The following STX18 variants were observed in gnomAD, a reference collection of about 807,000 sequenced individuals.
STX18 encodes the protein syntaxin-18.
In STX18, 40 loss-of-function variants were observed where a neutral mutation model predicts 50.1. That is an observed-to-expected ratio of 0.80 (90% confidence interval 0.62 to 1.04). STX18 has a LOEUF of 1.04. Among genes scored for constraint, STX18 ranks in the 50% least tolerant of loss-of-function variants. The pLI is 0.00. For missense variants in STX18, 410 were observed against 415.8 expected, an observed-to-expected ratio of 0.99 and a Z score of 0.12; for synonymous variants, 158 against 151.8, an observed-to-expected ratio of 1.04 and a Z score of -0.30.
chr4:4,480,053 G>A (rs188132208), intron 1 of STX18, among the ~76,000 whole-genome samples: 225 of 152,310 alleles, frequency 1.5e-3, no homozygotes, highest in Middle Eastern at 3.4e-3. Context: ...ACCCATATGC[G>A]TGAAACATAG....
chr4:4,439,285 C>CAT (rs1266946371), intron 5 of STX18, among the ~76,000 whole-genome samples: 1 of 128,922 alleles, frequency 7.8e-6, no homozygotes, highest in African/African-American at 4.5e-5. Context: ...AACACACACA[C>CAT]ATATATACAC....
In STX18 at chr4:4,459,430, C is replaced by T; in HGVS notation, c.294G>A (p.Gln98=). ...MTDTERDQID[Q]DAQIFMRTCS... is the part of the protein sequence containing the mutation. ...AGGTCCTCATGAATATCTGGGCATC[C>T]TGGTCTATCTGGTCTCGTTCTGTGT... Residue 98 remains glutamine (Q), a synonymous_variant, in exon 3 of 11, where the codon CAG becomes CAA. Transcript: ENST00000306200. 6.2e-7 allele frequency: 1 copy of T among 1,614,108 alleles called. No homozygotes were observed.
intron 2 of STX18, among the ~76,000 whole-genome samples, chr4:4,467,006 T>C (rs1727649195): frequency 6.6e-6 from 1 of 152,088 alleles, no homozygotes; most frequent in Non-Finnish European, 1.5e-5. Flanking sequence ...AGTCAGTTTC[T>C]GGGTGGGGGC....
chr4:4,433,412 G>A (rs1311339715), intron 7 of STX18, among the ~76,000 whole-genome samples: 1 of 151,730 alleles, frequency 6.6e-6, no homozygotes, highest in African/African-American at 2.4e-5. Flanking sequence ...CCTCTGCCTA[G>A]GAAAACCAGA....
chr4:4,486,912 G>A (rs192575537), intron 1 of STX18, among the ~76,000 whole-genome samples: 278 of 152,198 alleles, frequency 1.8e-3, no homozygotes, highest in Non-Finnish European at 3.2e-3. Flanking sequence ...ACAGAGTCAC[G>A]AACATCTAAA....
chr4:4,439,346 T>C (rs2108791264), intron 5 of STX18, among the ~76,000 whole-genome samples: 1 of 145,214 alleles, frequency 6.9e-6, no homozygotes, highest in African/African-American at 2.6e-5. Context: ...CACATACATA[T>C]ACTACATATA....
At chr4:4,529,349 G>A (rs6838731) in intron 1 of STX18, among the ~76,000 whole-genome samples, 27,305 of 151,992 alleles carry the variant, frequency 0.18, 2,501 homozygotes, top group African/African-American at 0.22. Context: ...GCGAGACTCC[G>A]TCTCAAAAAA....
chr4:4,474,205 T>C (rs1474829291), intron 1 of STX18, among the ~76,000 whole-genome samples: 1 of 152,200 alleles, frequency 6.6e-6, no homozygotes, highest in Non-Finnish European at 1.5e-5. Flanking sequence ...CACAAAACGC[T>C]ACATGTGCAT....
In STX18 at chr4:4,435,130, T is replaced by C. The variant is rs186147775; in HGVS notation, c.614-272A>G. Among the ~76,000 whole-genome samples, 839 of 152,322 alleles carry C rather than the reference T, an allele frequency of 5.5e-3. 5 individuals are homozygous for C. Among genetic ancestry groups the C allele is most frequent in the Non-Finnish European group, 8.3e-3 (568 of 68,038 alleles). ...TTCAGTATCGCACTGATGTCAGCAATGGCTGCAAACTAAATGGACATTATT... is the reference window on the plus strand; with the variant it reads ...TTCAGTATCGCACTGATGTCAGCAACGGCTGCAAACTAAATGGACATTATT... On this transcript the variant is annotated intron_variant, in intron 6 of 10. Coordinates refer to ENST00000306200, the MANE Select transcript of STX18 (RefSeq NM_016930.4).
intron 7 of STX18, chr4:4,425,493 G>A (rs1051154607): frequency 5.3e-6 from 3 of 563,176 alleles, no homozygotes; most frequent in South Asian, 2.3e-5. Flanking sequence ...TGCTATGGCT[G>A]TAGCTGTATC....
chr4:4,481,493 A>T (rs917085368), intron 1 of STX18: 2 of 152,214 alleles, frequency 1.3e-5, no homozygotes, highest in Non-Finnish European at 2.9e-5. Context: ...CAATCAGTGG[A>T]CACAGCTTGC....
chr4:4,540,373 TGA>T (rs1731529240), intron 1 of STX18, among the ~76,000 whole-genome samples: 1 of 152,254 alleles, frequency 6.6e-6, no homozygotes, highest in Non-Finnish European at 1.5e-5. Context: ...CCAATTTTTA[TGA>T]GAGTCCCACA....
intron 1 of STX18, among the ~76,000 whole-genome samples, chr4:4,515,569 A>C (rs1196558846): frequency 1.3e-5 from 2 of 152,166 alleles, no homozygotes; most frequent in Non-Finnish European, 2.9e-5. Context: ...TTTATACTGG[A>C]TACCAGTCTG....
chr4:4,534,682 C>T (rs544008534), intron 1 of STX18, among the ~76,000 whole-genome samples: 1 of 152,332 alleles, frequency 6.6e-6, no homozygotes, highest in Admixed American at 6.5e-5. Flanking sequence ...TAGCCCAGAG[C>T]ATAAAGTACA....
intron 1 of STX18, among the ~76,000 whole-genome samples, chr4:4,516,526 G>GA (rs1168451335): frequency 6.6e-6 from 1 of 151,858 alleles, no homozygotes; most frequent in African/African-American, 2.4e-5. Context: ...TTTCATATAA[G>GA]AAAAAAATCT....
chr4:4,541,829 T>C lies in STX18; in HGVS notation c.136A>G (p.Lys46Glu), dbSNP rs1731614460. 3 of 1,611,150 alleles carry C rather than the reference T, an allele frequency of 1.9e-6. No homozygotes were observed. The highest frequency in any genetic ancestry group is 2.5e-6 in the Non-Finnish European group (3 of 1,179,006). The change falls in exon 1 of 11, where the codon AAG becomes GAG. Residue 46 changes from lysine to glutamate, a missense_variant. Transcript: ENST00000306200. ...CGGGCCCGGCTGGAGAAGTCGCCCT[T>C]GGGCCGGGGGCTCCGGCGGAACAGC... Reference protein sequence around the residue: ...DELFRRSPRPKGDFSSRAREV... With the variant: ...DELFRRSPRPEGDFSSRAREV...
At chr4:4,497,613 A>G (rs946341451) in intron 1 of STX18, among the ~76,000 whole-genome samples, 2 of 152,156 alleles carry the variant, frequency 1.3e-5, no homozygotes, top group Admixed American at 1.3e-4. Context: ...TACATAGGAG[A>G]AAACTGAGGC....
chr4:4,436,869 C>T (rs71597713), intron 6 of STX18, among the ~76,000 whole-genome samples: 5,358 of 152,204 alleles, frequency 0.035, 110 homozygotes, highest in Non-Finnish European at 0.049. Flanking sequence ...GGCTTTCTGG[C>T]CTCTGAGCAT....
chr4:4,522,063 A>G (rs1730532135), intron 1 of STX18, among the ~76,000 whole-genome samples: 1 of 152,180 alleles, frequency 6.6e-6, no homozygotes, highest in Non-Finnish European at 1.5e-5. Flanking sequence ...TATATTTCCA[A>G]AAGTCAGCAT....
Sources: allele counts gnomAD v4.1 joint callset (sites outside exome capture counted in the v4.1 genomes callset), GRCh38; gene constraint gnomAD v4.1.1; transcripts MANE v1.5; gene names NCBI Gene and HGNC (gene_info 2026-07-23, HGNC 2026-07-21).